The following CA12 variants were observed in gnomAD, a reference collection of about 807,000 sequenced individuals.
The protein encoded by CA12 is carbonic anhydrase 12.
Under a neutral mutation model 46.8 loss-of-function variants are expected in CA12, and 36 were observed. That is an observed-to-expected ratio of 0.77 (90% confidence interval 0.59 to 1.02). The LOEUF (loss-of-function observed/expected upper bound fraction) is 1.02, where lower values mean the gene tolerates loss of function less well. Ranked by LOEUF, CA12 falls within the 50% of genes least tolerant of loss-of-function variation. The pLI is 0.00. For synonymous variants in CA12, 202 were observed against 187.0 expected, an observed-to-expected ratio of 1.08 and a Z score of -0.65; for missense variants, 436 against 451.4, an observed-to-expected ratio of 0.97 and a Z score of 0.31.
rs2038903986 is a variant in CA12 at position 63,329,056 on chromosome 15, G to A, written c.875-926C>T. ...AAGAGGAAAGATGAAGAAAGGTAGG[G>A]ATCAAAGCCTGCTTGGGCAGGCTCC... is the stretch of plus-strand genomic sequence containing the variant. On this transcript the variant is annotated intron_variant, in intron 8 of 10. Transcript: ENST00000178638. This position sits in a 1 kb window ranked among gnomAD's most constrained non-coding sequence, Gnocchi z 4.8. Among the ~76,000 whole-genome samples the A allele has an allele frequency of 6.6e-6, 1 of 152,214 alleles. No homozygotes were observed. Among genetic ancestry groups the A allele is most frequent in the Non-Finnish European group, 1.5e-5 (1 of 68,036 alleles).
chr15:63,346,070 C>T (rs1055809928), intron 3 of CA12, among the ~76,000 whole-genome samples: 3 of 152,212 alleles, frequency 2.0e-5, no homozygotes, highest in African/African-American at 7.2e-5. Context: ...CGGTATCCAT[C>T]AATATGTCCA....
At chr15:63,333,527 G>T (rs1183037548) in intron 8 of CA12, among the ~76,000 whole-genome samples, 4 of 152,346 alleles carry the variant, frequency 2.6e-5, no homozygotes, top group South Asian at 4.1e-4. Context: ...AGGTGGAAAT[G>T]ATGCTGGCTA....
intron 2 of CA12, among the ~76,000 whole-genome samples, chr15:63,359,510 T>G (rs1210642517): frequency 6.6e-6 from 1 of 152,064 alleles, no homozygotes; most frequent in African/African-American, 2.4e-5. Context: ...ACCATATATA[T>G]GTACACACAC....
At chr15:63,354,917 A>G (rs1023159634) in intron 2 of CA12, among the ~76,000 whole-genome samples, 1 of 152,068 alleles carries the variant, frequency 6.6e-6, no homozygotes, top group African/African-American at 2.4e-5. Context: ...TGAGGCGGGG[A>G]CAAAAAGGCT....
chr15:63,373,922 C>T lies in CA12; in HGVS notation c.106+1736G>A, dbSNP rs1368511597. ...AAGGGGCCCTGTGGCCCAGATTCTGCGATTCTTACTTTGTCAGTTCTCTTA... is the reference window on the plus strand; with the variant it reads ...AAGGGGCCCTGTGGCCCAGATTCTGTGATTCTTACTTTGTCAGTTCTCTTA... On this transcript the variant is annotated intron_variant, in intron 2 of 10. Coordinates refer to ENST00000178638, the MANE Select transcript of CA12 (RefSeq NM_001218.5). The surrounding 1 kb of genome is among the most constrained non-coding windows in gnomAD (Gnocchi z 4.9). Among the ~76,000 whole-genome samples, 2 of 152,216 alleles carry T rather than the reference C, an allele frequency of 1.3e-5. No homozygotes were observed. Among genetic ancestry groups the T allele is most frequent in the East Asian group, 1.9e-4 (1 of 5,196 alleles).
At chr15:63,359,673 A>G (rs2152622720) in intron 2 of CA12, among the ~76,000 whole-genome samples, 1 of 152,226 alleles carries the variant, frequency 6.6e-6, no homozygotes, top group East Asian at 1.9e-4. Flanking sequence ...TGTCAAGGGC[A>G]TAAAAGGTCT....
At chr15:63,332,233 AG>A (rs2038946189) in intron 8 of CA12, among the ~76,000 whole-genome samples, 1 of 152,256 alleles carries the variant, frequency 6.6e-6, no homozygotes, top group Non-Finnish European at 1.5e-5. Context: ...AAGACAAGGA[AG>A]ATGCCCTCAC....
Position 63,345,466 on chromosome 15 carries a change from G to T in CA12, c.429+11C>A. 2 of 1,604,620 alleles carry T rather than the reference G, an allele frequency of 1.2e-6. No homozygotes were observed. ...CAGAGCAGCCTCTGCCAGACTGGCAGCCCTACTTACCTCGGCGGCGAAGTG... is the reference window on the plus strand; with the variant it reads ...CAGAGCAGCCTCTGCCAGACTGGCATCCCTACTTACCTCGGCGGCGAAGTG... On this transcript the variant is annotated intron_variant, in intron 4 of 10. Coordinates refer to ENST00000178638, the MANE Select transcript of CA12 (RefSeq NM_001218.5). This position sits in a 1 kb window ranked among gnomAD's most constrained non-coding sequence, Gnocchi z 4.3.
intron 1 of CA12, among the ~76,000 whole-genome samples, chr15:63,376,486 T>C (rs1344098635): frequency 6.6e-6 from 1 of 152,158 alleles, no homozygotes; most frequent in Middle Eastern, 3.2e-3. Flanking sequence ...GAAATAGTGT[T>C]CTGTGTCTTG....
At chr15:63,354,179 G>A (rs1053920752) in intron 2 of CA12, among the ~76,000 whole-genome samples, 6 of 152,150 alleles carry the variant, frequency 3.9e-5, no homozygotes, top group East Asian at 1.9e-4. Context: ...AACAGAGGGC[G>A]AGGAATCAAA....
At chr15:63,358,508 T>C (rs2039320061) in intron 2 of CA12, among the ~76,000 whole-genome samples, 1 of 152,162 alleles carries the variant, frequency 6.6e-6, no homozygotes, top group Non-Finnish European at 1.5e-5. Context: ...CAGGTGCTTT[T>C]CATCACTGGT....
chr15:63,381,501 T>C (rs1449152729), intron 1 of CA12, 135 bp downstream of exon 1: 2 of 761,578 alleles, frequency 2.6e-6, no homozygotes, highest in Non-Finnish European at 4.4e-6. Flanking sequence ...GCATCCTTTC[T>C]TGAGAATCTA....
intron 8 of CA12, among the ~76,000 whole-genome samples, chr15:63,333,369 C>A (rs1485727195): frequency 6.6e-6 from 1 of 152,184 alleles, no homozygotes; most frequent in African/African-American, 2.4e-5. Context: ...AAGATGACAC[C>A]CACCATGGGG....
At chr15:63,350,952 C>G (rs1386658303) in intron 2 of CA12, among the ~76,000 whole-genome samples, 1 of 152,140 alleles carries the variant, frequency 6.6e-6, no homozygotes, top group Admixed American at 6.5e-5. Context: ...AACATAAGGG[C>G]TCTTAAAACC....
chr15:63,324,813 TAGAGTC>T lies in CA12; in HGVS notation c.*1466_*1471del, dbSNP rs774497250. ...AAGCGATTCCAGAAGAGAGAATTCT[TAGAGTC>T]AGAGGGAGGAGTAGAAGGAAAAAGA... On this transcript the variant is annotated 3_prime_UTR_variant, in exon 11 of 11. Coordinates refer to ENST00000178638, the MANE Select transcript of CA12 (RefSeq NM_001218.5). The T allele has an allele frequency of 5.9e-5, 9 of 151,876 alleles. No individual in the cohort carries two copies. The highest frequency in any genetic ancestry group is 8.8e-5 in the Non-Finnish European group (6 of 68,000). The allele number at this position is 151,876 out of a possible 1,614,324, so 9.4% of individuals were successfully genotyped here. A position where few individuals can be genotyped will look rare whatever the true frequency, so the allele number is the denominator to read the frequency against.
intron 2 of CA12, among the ~76,000 whole-genome samples, chr15:63,362,663 C>A (rs573826940): frequency 6.6e-6 from 1 of 152,178 alleles, no homozygotes. Flanking sequence ...GAAGATTGGC[C>A]GCTGGACGTT....
intron 4 of CA12, among the ~76,000 whole-genome samples, chr15:63,344,004 C>T (rs909107779): frequency 7.2e-5 from 11 of 152,170 alleles, no homozygotes; most frequent in African/African-American, 2.4e-4. Flanking sequence ...TGAATTTCAC[C>T]GTGACAATGT....
rs1464976163 is a variant in CA12 at position 63,330,480 on chromosome 15, C to T, written c.875-2350G>A. 6.6e-6 allele frequency among the ~76,000 whole-genome samples: 1 copy of T among 152,232 alleles called. No homozygotes were observed. ...CAAACCAGTTCTCGCCACCTGAAGA[C>T]TATTACTAGGAAGCCTTACCACCTG... On this transcript the variant is annotated intron_variant, in intron 8 of 10. Coordinates refer to ENST00000178638, the MANE Select transcript of CA12 (RefSeq NM_001218.5). The surrounding 1 kb of genome is among the most constrained non-coding windows in gnomAD (Gnocchi z 4.0).
At chr15:63,356,548 G>A (rs1293392991) in intron 2 of CA12, among the ~76,000 whole-genome samples, 1 of 147,920 alleles carries the variant, frequency 6.8e-6, no homozygotes, top group East Asian at 2.0e-4. Context: ...TTGAGACAGA[G>A]TCTCTCGCTC....
Sources: gnomAD v4.1 joint callset for allele counts (sites outside exome capture counted in the v4.1 genomes callset) on GRCh38, gnomAD v4.1.1 for gene constraint, Gnocchi (gnomAD v3.1) non-coding constraint, MANE v1.5 for transcripts, NCBI Gene and HGNC (gene_info 2026-07-23, HGNC 2026-07-21) for gene names.